The following RASAL2 variants were observed in gnomAD, a reference collection of about 807,000 sequenced individuals.
The protein encoded by RASAL2 is ras GTPase-activating protein nGAP.
In RASAL2, 58 loss-of-function variants were observed where a neutral mutation model predicts 128.9. The observed-to-expected ratio is 0.45, with a 90% CI of 0.36 to 0.56. The LOEUF (loss-of-function observed/expected upper bound fraction) is 0.56, where lower values mean the gene tolerates loss of function less well. Ranked by LOEUF, RASAL2 falls within the 20% of genes least tolerant of loss-of-function variation. The pLI is 0.00. For synonymous variants in RASAL2, 561 were observed against 580.8 expected (o/e 0.97, Z 0.49); for missense variants, 1,360 against 1,601.6 (o/e 0.85, Z 2.57).
chr1:178,352,669 TC>T (rs1177500352), intron 3 of RASAL2, among the ~76,000 whole-genome samples: 1 of 152,222 alleles, frequency 6.6e-6, no homozygotes, highest in African/African-American at 2.4e-5. Flanking sequence ...CCCACATTTG[TC>T]CTCTGCATTG....
At chr1:178,370,771 A>G (rs183235214) in intron 3 of RASAL2, among the ~76,000 whole-genome samples, 23 of 152,294 alleles carry the variant, frequency 1.5e-4, no homozygotes, top group Non-Finnish European at 2.4e-4. Context: ...AAAGATTAAT[A>G]TAAAACAAGG....
Position 178,451,708 on chromosome 1 carries a change from T to C in RASAL2, c.1765T>C (p.Ser589Pro). 1.2e-6 allele frequency: 2 copies of C among 1,613,326 alleles called. No homozygotes were observed. Among genetic ancestry groups the C allele is most frequent in the Non-Finnish European group, 1.7e-6 (2 of 1,179,564 alleles). ...GCTGGCTTTCTGCAAGATCATCAAC[T>C]CTTACTGGTGAGCTTATCTTATCCT... ...CELAFCKIINSYCVFPRELKE... is the reference protein window; with the variant it reads ...CELAFCKIINPYCVFPRELKE... The change falls in exon 10 of 18, where the codon TCT (serine) becomes CCT (proline). Residue 589 changes from serine (S) to proline (P), a missense_variant. By Grantham distance (74) the Ser-to-Pro change is moderately conservative (BLOSUM62 -1). Coordinates refer to ENST00000367649, the MANE Select transcript of RASAL2 (RefSeq NM_170692.4).
intron 3 of RASAL2, among the ~76,000 whole-genome samples, chr1:178,333,037 AT>A (rs983575910): frequency 4.4e-4 from 65 of 146,784 alleles, no homozygotes; most frequent in African/African-American, 5.0e-4. Flanking sequence ...TTATTTATTA[AT>A]TTTTTTTTGA....
chr1:178,319,133 C>T (rs1251912745), intron 3 of RASAL2, among the ~76,000 whole-genome samples: 1 of 152,314 alleles, frequency 6.6e-6, no homozygotes, highest in East Asian at 1.9e-4. Context: ...CCACACTCTT[C>T]TGGCTTGTAG....
At chr1:178,149,679 C>A (rs555518773) in intron 1 of RASAL2, among the ~76,000 whole-genome samples, 1 of 152,034 alleles carries the variant, frequency 6.6e-6, no homozygotes, top group Non-Finnish European at 1.5e-5. Flanking sequence ...TCAAAACTGT[C>A]CTGTATTCTG....
intron 3 of RASAL2, among the ~76,000 whole-genome samples, chr1:178,313,328 A>G (rs1668349360): frequency 6.6e-6 from 1 of 152,206 alleles, no homozygotes; most frequent in Admixed American, 6.5e-5. Context: ...AGTATCAACA[A>G]AGCAATATTA....
chr1:178,265,505 C>T (rs1665906019), intron 1 of RASAL2, among the ~76,000 whole-genome samples: 1 of 152,192 alleles, frequency 6.6e-6, no homozygotes, highest in African/African-American at 2.4e-5. Context: ...TGCATTATCT[C>T]ATTTGAACCT....
chr1:178,165,863 T>A (rs186539264), intron 1 of RASAL2, among the ~76,000 whole-genome samples: 1 of 152,300 alleles, frequency 6.6e-6, no homozygotes, highest in Non-Finnish European at 1.5e-5. Flanking sequence ...CTCACTGTCT[T>A]TTAACCATGA....
At chr1:178,272,111 C>T (rs1023029372) in intron 1 of RASAL2, among the ~76,000 whole-genome samples, 14 of 152,114 alleles carry the variant, frequency 9.2e-5, no homozygotes, top group African/African-American at 3.1e-4. Context: ...TAGTTATATA[C>T]TGATTGTACA....
intron 1 of RASAL2, among the ~76,000 whole-genome samples, chr1:178,180,079 C>A (rs145509938): frequency 2.1e-4 from 32 of 152,216 alleles, no homozygotes; most frequent in African/African-American, 6.5e-4. Flanking sequence ...TCTGGATTCT[C>A]TAATCTACAG....
intron 3 of RASAL2, among the ~76,000 whole-genome samples, chr1:178,351,575 C>CA (rs1387106707): frequency 6.6e-6 from 1 of 151,886 alleles, no homozygotes; most frequent in South Asian, 2.1e-4. Context: ...ACTAAAAATA[C>CA]AAAAAATTAG....
At chr1:178,177,926 T>G (rs1661950289) in intron 1 of RASAL2, among the ~76,000 whole-genome samples, 1 of 152,212 alleles carries the variant, frequency 6.6e-6, no homozygotes, top group South Asian at 2.1e-4. Flanking sequence ...AGAAAAGCAT[T>G]TCCCCTCTTG....
intron 1 of RASAL2, among the ~76,000 whole-genome samples, chr1:178,121,512 G>A (rs1312521674): frequency 6.6e-6 from 1 of 151,252 alleles, no homozygotes; most frequent in Non-Finnish European, 1.5e-5. Context: ...TTTTGGGATG[G>A]AGTCTCACTC....
At position 178,452,643 on chromosome 1, in the gene RASAL2, A is replaced by G. The variant is rs139086026; in HGVS notation, c.2000A>G (p.Asn667Ser). 5 of 1,611,312 alleles carry G rather than the reference A, an allele frequency of 3.1e-6. No homozygotes were observed. Among genetic ancestry groups the G allele is most frequent in the South Asian group, 1.1e-5 (1 of 91,036 alleles). The change falls in exon 11 of 18, where the codon AAC (asparagine) becomes AGC (serine). Residue 667 changes from asparagine to serine, a missense_variant. Physicochemically the swap from Asn to Ser is conservative, Grantham distance 46. Coordinates refer to ENST00000367649, the MANE Select transcript of RASAL2 (RefSeq NM_170692.4). ...LIAKVIQNLA[N>S]FAKFGNKEEY... Reference sequence around the variant, plus strand: ...GCCAAGGTCATTCAGAACCTGGCCAACTTTGCCAAGTAGGTGATACTGTTG... The same window carrying G: ...GCCAAGGTCATTCAGAACCTGGCCAGCTTTGCCAAGTAGGTGATACTGTTG...
chr1:178,281,559 T>A (rs1666784636), intron 1 of RASAL2, among the ~76,000 whole-genome samples: 1 of 152,200 alleles, frequency 6.6e-6, no homozygotes, highest in Non-Finnish European at 1.5e-5. Context: ...AAAATTTTTA[T>A]GGACAGGGTT....
At chr1:178,151,072 A>G (rs771879936) in intron 1 of RASAL2, among the ~76,000 whole-genome samples, 1 of 152,122 alleles carries the variant, frequency 6.6e-6, no homozygotes, top group Non-Finnish European at 1.5e-5. Flanking sequence ...ACTGTTGACC[A>G]TGAGTTCAAT....
At chr1:178,256,901 TG>T (rs765908297) in intron 1 of RASAL2, among the ~76,000 whole-genome samples, 7 of 152,170 alleles carry the variant, frequency 4.6e-5, no homozygotes, top group Non-Finnish European at 7.3e-5. Flanking sequence ...CTCAAACTCC[TG>T]ATCTCAGGTG....
chr1:178,307,370 A>G (rs1396825469), intron 3 of RASAL2, among the ~76,000 whole-genome samples: 1 of 152,178 alleles, frequency 6.6e-6, no homozygotes, highest in Non-Finnish European at 1.5e-5. Context: ...TAGAAAACCT[A>G]GGAAAAAACT....
chr1:178,420,968 G>A (rs921496754), intron 5 of RASAL2, among the ~76,000 whole-genome samples: 1 of 152,248 alleles, frequency 6.6e-6, no homozygotes, highest in Admixed American at 6.5e-5. Flanking sequence ...AACAATTTTA[G>A]CACTGTCGCA....
Sources: allele counts gnomAD v4.1 joint callset (sites outside exome capture counted in the v4.1 genomes callset), GRCh38; gene constraint gnomAD v4.1.1; transcripts MANE v1.5; gene names NCBI Gene and HGNC (gene_info 2026-07-23, HGNC 2026-07-21).